The following UQCRC2 variants were observed in gnomAD, a reference collection of about 807,000 sequenced individuals.
UQCRC2 encodes cytochrome b-c1 complex subunit 2, mitochondrial.
UQCRC2 carries 49 observed loss-of-function variants against 55.6 expected under a neutral mutation model. That is an observed-to-expected ratio of 0.88 (90% CI 0.70 to 1.12). The LOEUF (loss-of-function observed/expected upper bound fraction) is 1.12, where lower values mean the gene tolerates loss of function less well. UQCRC2 is among the 50% of genes most tolerant of loss of function. The probability of loss-of-function intolerance (pLI) is 0.00; values close to 1 mark genes in which losing one functional copy is unlikely to be tolerated. For missense variants in UQCRC2, 506 were observed against 547.8 expected (o/e 0.92, Z 0.76); for synonymous variants, 193 against 192.0 (o/e 1.01, Z -0.04).
At chr16:21,967,362 C>T (rs1221805594) in intron 7 of UQCRC2, among the ~76,000 whole-genome samples, 1 of 152,014 alleles carries the variant, frequency 6.6e-6, no homozygotes, top group East Asian at 1.9e-4. Context: ...CCATTTTTTT[C>T]TAAACCTCTT....
intron 1 of UQCRC2, among the ~76,000 whole-genome samples, chr16:21,953,690 C>T (rs1055483892): frequency 6.6e-6 from 1 of 152,048 alleles, no homozygotes; most frequent in Non-Finnish European, 1.5e-5. Flanking sequence ...GACGTGAGAG[C>T]GGAGTTGAAG....
rs75157691 is a variant in UQCRC2 at position 21,981,161 on chromosome 16, C to T, written c.1278+461C>T. Among the ~76,000 whole-genome samples, 710 of 152,288 alleles carry T rather than the reference C, an allele frequency of 4.7e-3. 5 individuals are homozygous for T. In the Middle Eastern group the frequency reaches 0.048, roughly 10 times the overall value. ...CTAGCAATATTTCACCATCTAGCAT[C>T]TTAAGATTTTCTTTACTCTTCTCAG... On this transcript the variant is annotated intron_variant, in intron 13 of 13. Coordinates refer to ENST00000268379, the MANE Select transcript of UQCRC2 (RefSeq NM_003366.4).
At chr16:21,982,692 T>G (rs1421749966) in intron 13 of UQCRC2, among the ~76,000 whole-genome samples, 2 of 152,194 alleles carry the variant, frequency 1.3e-5, no homozygotes, top group East Asian at 3.9e-4. Flanking sequence ...AAGGCCAGGT[T>G]GGTGGCTCAC....
intron 6 of UQCRC2, 115 bp from the exon 7 acceptor site, chr16:21,965,293 C>A: frequency 1.2e-6 from 1 of 844,254 alleles, no homozygotes; most frequent in Non-Finnish European, 1.9e-6. Flanking sequence ...GTCCTCTTAA[C>A]ATATGAATGC....
At chr16:21,961,185 G>C (rs1208662486) in intron 4 of UQCRC2, 16 of 259,746 alleles carry the variant, frequency 6.2e-5, no homozygotes, top group Non-Finnish European at 1.2e-4. Flanking sequence ...GTCTCATTCT[G>C]CTGATAGGAG....
chr16:21,965,454 T>C lies in UQCRC2; in HGVS notation c.561T>C (p.Ala187=). The C allele has an allele frequency of 6.2e-7, 1 of 1,614,004 alleles. No homozygotes were observed. The highest frequency in any genetic ancestry group is 8.5e-7 in the Non-Finnish European group (1 of 1,179,942). Residue 187 remains alanine, a synonymous_variant, in exon 7 of 14, where the codon GCT becomes GCC. Coordinates refer to ENST00000268379, the MANE Select transcript of UQCRC2 (RefSeq NM_003366.4). ...CAGCAGCTTACCGGAATGCCTTGGCTAATCCCTTGTATTGTCCTGACTATA... is the reference window on the plus strand; with the variant it reads ...CAGCAGCTTACCGGAATGCCTTGGCCAATCCCTTGTATTGTCCTGACTATA... ...LHAAAYRNAL[A]NPLYCPDYRI...
chr16:21,973,813 A>C (rs774994766), intron 10 of UQCRC2, 83 bp from the exon 11 acceptor site: 25 of 1,322,644 alleles, frequency 1.9e-5, no homozygotes, highest in Middle Eastern at 4.0e-4. Flanking sequence ...TGAAGGTCCA[A>C]GTTTTTTCTA....
intron 12 of UQCRC2, among the ~76,000 whole-genome samples, chr16:21,979,214 T>C (rs1336714612): frequency 6.6e-6 from 1 of 152,202 alleles, no homozygotes; most frequent in Non-Finnish European, 1.5e-5. Flanking sequence ...CAGAAGGCTC[T>C]TCAAGATCCC....
intron 10 of UQCRC2, among the ~76,000 whole-genome samples, chr16:21,973,414 G>A (rs1405888320): frequency 2.6e-5 from 4 of 152,124 alleles, no homozygotes; most frequent in Non-Finnish European, 4.4e-5. Flanking sequence ...TTATTCAGAG[G>A]TTAAACTCTT....
intron 7 of UQCRC2, among the ~76,000 whole-genome samples, chr16:21,966,402 C>A (rs1419326934): frequency 6.6e-6 from 1 of 152,108 alleles, no homozygotes; most frequent in Non-Finnish European, 1.5e-5. Context: ...ACATTGAATG[C>A]TAAATCTACA....
chr16:21,958,029 C>A (rs1212856001), intron 3 of UQCRC2, among the ~76,000 whole-genome samples: 1 of 152,182 alleles, frequency 6.6e-6, no homozygotes, highest in Non-Finnish European at 1.5e-5. Context: ...GTACTTAAAT[C>A]TGCAGAGACC....
chr16:21,971,477 G>A, intron 8 of UQCRC2, 48 bp from the exon 9 acceptor site: 1 of 1,436,152 alleles, frequency 7.0e-7, no homozygotes, highest in African/African-American at 1.4e-5. Context: ...TTACGATTGT[G>A]TTTTAGTAAT....
At position 21,965,422 on chromosome 16, in the gene UQCRC2, T is replaced by A. The variant is rs1898302108; in HGVS notation, c.529T>A (p.Leu177Met). Residue 177 changes from leucine to methionine, a missense_variant, in exon 7 of 14, where the codon TTG (leucine) becomes ATG (methionine). By Grantham distance (15) the Leu-to-Met change is conservative. Coordinates refer to ENST00000268379, the MANE Select transcript of UQCRC2 (RefSeq NM_003366.4). ...QNPQTHVIEN[L>M]HAAAYRNALA... ...TTATCTCACAGATGTCATTGAAAAT[T>A]TGCATGCAGCAGCTTACCGGAATGC... is the stretch of plus-strand genomic sequence containing the variant. 1 of 1,613,926 alleles carries A rather than the reference T, an allele frequency of 6.2e-7. No individual in the cohort carries two copies. The highest frequency in any genetic ancestry group is 2.2e-5 in the East Asian group (1 of 44,854).
chr16:21,977,595 A>G (rs1033355184), intron 12 of UQCRC2, among the ~76,000 whole-genome samples: 1 of 152,228 alleles, frequency 6.6e-6, no homozygotes, highest in African/African-American at 2.4e-5. Flanking sequence ...CTCCTAATTC[A>G]TTAGTAGTTC....
chr16:21,983,065 G>C, intron 13 of UQCRC2, 23 bp from the exon 14 acceptor site: 1 of 1,602,482 alleles, frequency 6.2e-7, no homozygotes, highest in East Asian at 2.2e-5. Context: ...TGTTAATTTT[G>C]TCTTTTGTTT....
chr16:21,973,767 G>A, intron 10 of UQCRC2, 129 bp from the exon 11 acceptor site: 2 of 745,742 alleles, frequency 2.7e-6, no homozygotes, highest in East Asian at 2.7e-5. Context: ...TGACAGAACT[G>A]GCTAAGTAAA....
chr16:21,982,510 GC>G (rs1314539319), intron 13 of UQCRC2, among the ~76,000 whole-genome samples: 2 of 152,108 alleles, frequency 1.3e-5, no homozygotes, highest in Non-Finnish European at 2.9e-5. Context: ...TCTTTGAACA[GC>G]TACCCTCTTA....
In UQCRC2 at chr16:21,957,332, A is replaced by C; in HGVS notation, c.117+14A>C. 1 of 1,614,004 alleles carries C rather than the reference A, an allele frequency of 6.2e-7. No homozygotes were observed. The highest frequency in any genetic ancestry group is 1.6e-4 in the Middle Eastern group (1 of 6,062). ...CAGGACCTTGAGGTTAGTCCCACTA[A>C]CTTGCTCGCTGGAAGCTATACATGC... On this transcript the variant is annotated intron_variant, in intron 2 of 13. Coordinates refer to ENST00000268379, the MANE Select transcript of UQCRC2 (RefSeq NM_003366.4).
At chr16:21,981,903 C>T (rs1442261559) in intron 13 of UQCRC2, among the ~76,000 whole-genome samples, 2 of 149,766 alleles carry the variant, frequency 1.3e-5, no homozygotes, top group African/African-American at 4.9e-5. Context: ...TGCAGTGGCG[C>T]GATCTCGGCT....
Sources: allele counts gnomAD v4.1 joint callset (sites outside exome capture counted in the v4.1 genomes callset), GRCh38; gene constraint gnomAD v4.1.1; transcripts MANE v1.5; gene names NCBI Gene and HGNC (gene_info 2026-07-23, HGNC 2026-07-21).